Variants in ANKS1B observed in about 807,000 individuals in gnomAD.
The protein encoded by ANKS1B is ankyrin repeat and sterile alpha motif domain containing 1B.
A neutral mutation model predicts 148.3 loss-of-function variants in ANKS1B; 36 were observed. The ratio of observed to expected loss-of-function variants is 0.24; its 90% confidence interval spans 0.19 to 0.32. The LOEUF is 0.32. Ranked by LOEUF, ANKS1B falls within the 10% of genes least tolerant of loss-of-function variation. The probability of loss-of-function intolerance (pLI) is 1.00; values close to 1 mark genes in which losing one functional copy is unlikely to be tolerated. For missense variants in ANKS1B, 1,157 were observed against 1,542.6 expected (o/e 0.75, Z 4.19); for synonymous variants, 542 against 560.8 (o/e 0.97, Z 0.47).
intron 10 of ANKS1B, among the ~76,000 whole-genome samples, chr12:99,446,517 A>T (rs1395919206): frequency 6.6e-6 from 1 of 152,096 alleles, no homozygotes; most frequent in Non-Finnish European, 1.5e-5. Flanking sequence ...CCTATTTTAC[A>T]GAGAAACTCA....
intron 17 of ANKS1B, among the ~76,000 whole-genome samples, chr12:99,003,496 G>C (rs2099934225): frequency 6.6e-6 from 1 of 152,182 alleles, no homozygotes; most frequent in African/African-American, 2.4e-5. Flanking sequence ...TAGGGCATCA[G>C]TTCTCAAGAT....
chr12:98,953,454 G>C (rs1401198515), intron 17 of ANKS1B, among the ~76,000 whole-genome samples: 1 of 142,418 alleles, frequency 7.0e-6, no homozygotes, highest in Non-Finnish European at 1.5e-5. Context: ...TGCCTGGCCT[G>C]TTATTTTCAG....
At chr12:99,174,314 G>A (rs766821207) in intron 14 of ANKS1B, among the ~76,000 whole-genome samples, 1 of 152,186 alleles carries the variant, frequency 6.6e-6, no homozygotes, top group Non-Finnish European at 1.5e-5. Flanking sequence ...ATTGACTGAA[G>A]CTTTGTGAAA....
chr12:98,880,718 A>G (rs2099705288), intron 17 of ANKS1B, among the ~76,000 whole-genome samples: 2 of 152,176 alleles, frequency 1.3e-5, no homozygotes, highest in Admixed American at 1.3e-4. Flanking sequence ...CAGTGAGCCG[A>G]GATCGCGCCA....
Position 98,849,456 on chromosome 12 carries a change from C to T in ANKS1B, c.2779-17320G>A, listed in dbSNP as rs112157639. 4.7e-3 allele frequency among the ~76,000 whole-genome samples: 712 copies of T among 152,142 alleles called. 5 individuals are homozygous for T. Among genetic ancestry groups the T allele is most frequent in the Non-Finnish European group, 6.1e-3 (417 of 68,004 alleles). On this transcript the variant is annotated intron_variant, in intron 17 of 26. Coordinates refer to ENST00000683438, the MANE Select transcript of ANKS1B (RefSeq NM_001352186.2). ...TAAGGAGGCTGGGAGAAAAGAGATGCCACCTTTCCAAACACAACATTTCAA... is the reference window on the plus strand; with the variant it reads ...TAAGGAGGCTGGGAGAAAAGAGATGTCACCTTTCCAAACACAACATTTCAA...
chr12:98,737,749 T>C (rs1465117079), intron 9 of ANKS1B, among the ~76,000 whole-genome samples: 1 of 152,202 alleles, frequency 6.6e-6, no homozygotes, highest in Non-Finnish European at 1.5e-5. Flanking sequence ...TGAAACATCA[T>C]TAGGGGAAAG....
At chr12:99,095,302 C>T (rs901009458) in intron 15 of ANKS1B, among the ~76,000 whole-genome samples, 12 of 152,190 alleles carry the variant, frequency 7.9e-5, no homozygotes, top group Admixed American at 2.0e-4. Flanking sequence ...AAGTTCTCAG[C>T]TTCCCTTTAA....
chr12:99,632,760 TA>T lies in ANKS1B; in HGVS notation c.1272+22306del, dbSNP rs1401514920. On this transcript the variant is annotated intron_variant, in intron 9 of 26. Transcript: ENST00000683438. Reference sequence around the variant, plus strand: ...ATATATATATATATATATATATATATATATATATTTTAATTATACTTTAAGT... The same window carrying T: ...ATATATATATATATATATATATATATTATATATTTTAATTATACTTTAAGT... Among the ~76,000 whole-genome samples, 80 of 86,022 alleles carry T rather than the reference TA, an allele frequency of 9.3e-4. 6 individuals are homozygous for T. Among genetic ancestry groups the T allele is most frequent in the Admixed American group, 4.2e-3 (35 of 8,242 alleles). The allele number at this position is 86,022 out of a possible 152,430, so 56.4% of individuals were successfully genotyped here.
chr12:99,434,355 C>A (rs556306951), intron 11 of ANKS1B, among the ~76,000 whole-genome samples: 2 of 152,146 alleles, frequency 1.3e-5, no homozygotes, highest in East Asian at 1.9e-4. Context: ...TCTATGCATT[C>A]TTTTATTTAA....
chr12:99,200,834 A>C (rs1381981121), intron 14 of ANKS1B, among the ~76,000 whole-genome samples: 1 of 152,202 alleles, frequency 6.6e-6, no homozygotes, highest in Non-Finnish European at 1.5e-5. Context: ...TTTCCTATGC[A>C]CTCAACAAGA....
At chr12:99,355,310 G>A (rs2091868243) in intron 12 of ANKS1B, among the ~76,000 whole-genome samples, 1 of 152,052 alleles carries the variant, frequency 6.6e-6, no homozygotes, top group African/African-American at 2.4e-5. Flanking sequence ...CCTTGGCTTT[G>A]ATGCTAATTT....
intron 12 of ANKS1B, among the ~76,000 whole-genome samples, chr12:99,294,333 C>T (rs2080513037): frequency 6.6e-6 from 1 of 152,154 alleles, no homozygotes; most frequent in Non-Finnish European, 1.5e-5. Context: ...TAATGTAGTA[C>T]TATTCAGCCA....
intron 8 of ANKS1B, among the ~76,000 whole-genome samples, chr12:99,687,147 A>T (rs2098654234): frequency 6.6e-6 from 1 of 152,174 alleles, no homozygotes; most frequent in African/African-American, 2.4e-5. Flanking sequence ...TGTTTTAAAG[A>T]TATCATTTCA....
intron 1 of ANKS1B, among the ~76,000 whole-genome samples, chr12:99,928,278 T>TTTA (rs373566104): frequency 0.3 from 45,046 of 147,988 alleles, 7,213 homozygotes; most frequent in Middle Eastern, 0.4. Context: ...TTTATTTTTT[T>TTTA]TTTTTTTTTT....
intron 15 of ANKS1B, among the ~76,000 whole-genome samples, chr12:99,136,683 C>T (rs544774210): frequency 2.5e-4 from 38 of 152,170 alleles, no homozygotes; most frequent in Admixed American, 8.5e-4. Context: ...TGGAGATAAC[C>T]ACCAGAAGGA....
intron 2 of ANKS1B, among the ~76,000 whole-genome samples, chr12:99,824,625 A>C (rs191049132): frequency 6.6e-6 from 1 of 152,122 alleles, no homozygotes; most frequent in East Asian, 1.9e-4. Flanking sequence ...TCTGTAGGGG[A>C]GGACAGAACA....
chr12:99,359,004 T>C (rs2092272942), intron 12 of ANKS1B, among the ~76,000 whole-genome samples: 1 of 152,038 alleles, frequency 6.6e-6, no homozygotes, highest in African/African-American at 2.4e-5. Context: ...AAATCTAAAG[T>C]GTGTGAGATA....
intron 16 of ANKS1B, 120 bp downstream of exon 16, chr12:99,084,805 G>T: frequency 1.4e-6 from 1 of 700,720 alleles, no homozygotes; most frequent in Non-Finnish European, 2.4e-6. Flanking sequence ...AAGAAGATCT[G>T]CTCTTGAGGT....
At chr12:98,807,772 C>G (rs2099062213) in intron 20 of ANKS1B, 72 bp downstream of exon 20, 2 of 1,308,624 alleles carry the variant, frequency 1.5e-6, no homozygotes, top group South Asian at 2.6e-5. Flanking sequence ...GTACCTATAG[C>G]TGTTGACAAC....
Sources: gnomAD v4.1 joint callset for allele counts (sites outside exome capture counted in the v4.1 genomes callset) on GRCh38, gnomAD v4.1.1 for gene constraint, MANE v1.5 for transcripts, NCBI Gene and HGNC (gene_info 2026-07-23, HGNC 2026-07-21) for gene names.